CNTN4: variants seen among roughly 807,000 people sequenced by gnomAD.
CNTN4 encodes contactin 4.
A neutral mutation model predicts 122.5 loss-of-function variants in CNTN4; 77 were observed. That is an observed-to-expected ratio of 0.63 (90% confidence interval 0.52 to 0.76). The LOEUF (loss-of-function observed/expected upper bound fraction) is 0.76, where lower values mean the gene tolerates loss of function less well. CNTN4 is among the 30% of genes least tolerant of loss of function. The pLI is 0.00. For synonymous variants in CNTN4, 512 were observed against 447.0 expected (o/e 1.15, Z -1.83); for missense variants, 1,256 against 1,259.1 (o/e 1.00, Z 0.04).
intron 3 of CNTN4, among the ~76,000 whole-genome samples, chr3:2,540,647 G>T (rs2077996201): frequency 6.6e-6 from 1 of 152,050 alleles, no homozygotes; most frequent in Non-Finnish European, 1.5e-5. Flanking sequence ...CAGAAGTATA[G>T]ATATTAAATA....
intron 6 of CNTN4, among the ~76,000 whole-genome samples, chr3:2,777,480 G>T (rs1311950794): frequency 6.6e-6 from 1 of 152,168 alleles, no homozygotes; most frequent in Non-Finnish European, 1.5e-5. Context: ...ACCTGGCATG[G>T]ATTACCCATC....
At chr3:2,099,314 C>T (rs1292050969) in intron 1 of CNTN4, 1 of 152,468 alleles carries the variant, frequency 6.6e-6, no homozygotes, top group Non-Finnish European at 1.5e-5. Context: ...AGCCACAAAA[C>T]AAGGAACCGA....
At chr3:2,771,575 C>A (rs35615064) in intron 6 of CNTN4, among the ~76,000 whole-genome samples, 3,139 of 151,964 alleles carry the variant, frequency 0.021, 36 homozygotes, top group Non-Finnish European at 0.032. Context: ...ATTTTAAGGA[C>A]CAATTGAGAC....
chr3:2,267,230 T>C (rs2041090394), intron 2 of CNTN4, among the ~76,000 whole-genome samples: 1 of 152,124 alleles, frequency 6.6e-6, no homozygotes, highest in Non-Finnish European at 1.5e-5. Context: ...TGCTTTTTAC[T>C]CAAGGAATAA....
intron 3 of CNTN4, among the ~76,000 whole-genome samples, chr3:2,562,902 T>C (rs942121772): frequency 6.6e-6 from 1 of 151,992 alleles, no homozygotes; most frequent in Non-Finnish European, 1.5e-5. Context: ...TTTTAAATTT[T>C]TTTTTTGTAG....
intron 6 of CNTN4, among the ~76,000 whole-genome samples, chr3:2,759,330 A>G (rs568885228): frequency 1.3e-5 from 2 of 151,740 alleles, no homozygotes; most frequent in Admixed American, 6.6e-5. Context: ...TAATTTTTGT[A>G]TTTTCAGTAG....
chr3:2,428,884 A>C (rs2047948478), intron 3 of CNTN4, among the ~76,000 whole-genome samples: 1 of 152,182 alleles, frequency 6.6e-6, no homozygotes, highest in Admixed American at 6.5e-5. Context: ...AAGCTTATGC[A>C]TGCATCAGGT....
At chr3:2,988,568 C>T in intron 14 of CNTN4, 96 bp downstream of exon 14, 2 of 1,249,138 alleles carry the variant, frequency 1.6e-6, no homozygotes, top group East Asian at 2.3e-5. Flanking sequence ...TTAATATGTA[C>T]AGATACCACT....
At chr3:3,016,633 G>A (rs372892793) in intron 14 of CNTN4, among the ~76,000 whole-genome samples, 2 of 152,098 alleles carry the variant, frequency 1.3e-5, no homozygotes, top group Non-Finnish European at 2.9e-5. Flanking sequence ...AAGAGCATTC[G>A]AGCATCATTA....
At chr3:2,106,174 A>G (rs569704735) in intron 2 of CNTN4, among the ~76,000 whole-genome samples, 10 of 152,204 alleles carry the variant, frequency 6.6e-5, no homozygotes, top group African/African-American at 2.4e-4. Flanking sequence ...TCATGGCTGG[A>G]GTTGAGTGTC....
At chr3:2,901,392 C>A (rs2094171738) in intron 11 of CNTN4, among the ~76,000 whole-genome samples, 1 of 152,122 alleles carries the variant, frequency 6.6e-6, no homozygotes, top group Non-Finnish European at 1.5e-5. Context: ...AGTAGGCCAC[C>A]CAGAAAAGAG....
intron 3 of CNTN4, among the ~76,000 whole-genome samples, chr3:2,480,377 C>T (rs1381577362): frequency 1.3e-5 from 2 of 152,132 alleles, no homozygotes; most frequent in Non-Finnish European, 2.9e-5. Context: ...AGAAAATCAA[C>T]ATAAAATCTC....
chr3:2,886,078 C>T (rs1013866017), intron 9 of CNTN4, among the ~76,000 whole-genome samples: 1 of 152,070 alleles, frequency 6.6e-6, no homozygotes, highest in Non-Finnish European at 1.5e-5. Flanking sequence ...AAAAGCGCTA[C>T]CAGATTCAAG....
In CNTN4 at chr3:2,279,143, C is replaced by G. The variant is rs543873845; in HGVS notation, c.-144-60035C>G. 3.4e-4 allele frequency among the ~76,000 whole-genome samples: 51 copies of G among 149,708 alleles called. 1 individual carries two copies. Among genetic ancestry groups the G allele is most frequent in the African/African-American group, 1.2e-3 (47 of 39,248 alleles). On this transcript the variant is annotated intron_variant, in intron 2 of 24. Coordinates refer to ENST00000418658, the MANE Select transcript of CNTN4 (RefSeq NM_175607.3). ...AAACAAACAAAACTAATAATCAAAA[C>G]TAATAAAAACATCCAAATAAATAAA... is the stretch of plus-strand genomic sequence containing the variant.
At chr3:2,548,994 T>G (rs1272539188) in intron 3 of CNTN4, among the ~76,000 whole-genome samples, 5 of 152,160 alleles carry the variant, frequency 3.3e-5, no homozygotes, top group South Asian at 2.1e-4. Context: ...TTTTGGTGTT[T>G]AGGAATGCTT....
intron 3 of CNTN4, among the ~76,000 whole-genome samples, chr3:2,393,048 T>G (rs1198952719): frequency 6.6e-6 from 1 of 152,192 alleles, no homozygotes; most frequent in Non-Finnish European, 1.5e-5. Context: ...AAATCCAAGT[T>G]GGCAGGTTGA....
At chr3:2,582,404 A>G (rs900558166) in intron 4 of CNTN4, among the ~76,000 whole-genome samples, 13 of 151,884 alleles carry the variant, frequency 8.6e-5, no homozygotes, top group African/African-American at 2.4e-4. Context: ...TGTAATCCCA[A>G]TCTGTCTTCC....
chr3:2,110,863 A>G (rs2032896443), intron 2 of CNTN4, among the ~76,000 whole-genome samples: 1 of 152,192 alleles, frequency 6.6e-6, no homozygotes, highest in Non-Finnish European at 1.5e-5. Flanking sequence ...TAGTGGAAAT[A>G]GAAAATAACC....
chr3:2,704,583 A>G (rs1308626495), intron 4 of CNTN4, among the ~76,000 whole-genome samples: 1 of 152,184 alleles, frequency 6.6e-6, no homozygotes, highest in African/African-American at 2.4e-5. Context: ...TTCATAGGGT[A>G]CAGGCTGGAA....
Sources: gnomAD v4.1 joint callset for allele counts (sites outside exome capture counted in the v4.1 genomes callset) on GRCh38, gnomAD v4.1.1 for gene constraint, MANE v1.5 for transcripts, NCBI Gene and HGNC (gene_info 2026-07-23, HGNC 2026-07-21) for gene names.